Variants in OXCT1 observed in about 807,000 individuals in gnomAD.
OXCT1 encodes 3-oxoacid CoA-transferase 1.
Under a neutral mutation model 69.6 loss-of-function variants are expected in OXCT1, and 27 were observed. That is an observed-to-expected ratio of 0.39 (90% CI 0.29 to 0.54). The LOEUF is 0.54. Ranked by LOEUF, OXCT1 falls within the 20% of genes least tolerant of loss-of-function variation. The pLI is 0.72. For synonymous variants in OXCT1, 202 were observed against 217.8 expected (o/e 0.93, Z 0.64); for missense variants, 437 against 650.2 (o/e 0.67, Z 3.57).
chr5:41,755,713 T>G (rs552963396), intron 14 of OXCT1, among the ~76,000 whole-genome samples: 38 of 152,212 alleles, frequency 2.5e-4, no homozygotes, highest in Non-Finnish European at 2.9e-4. Context: ...CAGCTCTATA[T>G]GAGACCTGTG....
intron 13 of OXCT1, among the ~76,000 whole-genome samples, chr5:41,764,441 T>C (rs1438038392): frequency 6.6e-6 from 1 of 152,158 alleles, no homozygotes; most frequent in Non-Finnish European, 1.5e-5. Flanking sequence ...TGTTGCTGTA[T>C]ACTAGGGTGC....
At chr5:41,783,802 C>A (rs1745523521) in intron 13 of OXCT1, among the ~76,000 whole-genome samples, 2 of 152,128 alleles carry the variant, frequency 1.3e-5, no homozygotes, top group African/African-American at 4.8e-5. Context: ...TGAACATACC[C>A]AAGTTCCAGT....
intron 9 of OXCT1, 58 bp from the exon 10 acceptor site, chr5:41,803,221 ATCT>A (rs1746507660): frequency 2.7e-6 from 3 of 1,093,482 alleles, no homozygotes; most frequent in Non-Finnish European, 4.2e-6. Context: ...TATACCATAA[ATCT>A]TCTACATATA....
At chr5:41,853,584 A>G (rs1331498943) in intron 3 of OXCT1, 30 bp from the exon 4 acceptor site, 1 of 1,611,032 alleles carries the variant, frequency 6.2e-7, no homozygotes, top group Admixed American at 1.7e-5. Context: ...AGCTTACCAA[A>G]GAGCATCTGA....
intron 3 of OXCT1, 95 bp from the exon 4 acceptor site, chr5:41,853,649 A>G (rs752552985): frequency 4.8e-5 from 66 of 1,370,636 alleles, no homozygotes; most frequent in Non-Finnish European, 6.4e-5. Flanking sequence ...TTAAAGAAAA[A>G]TAAATCCTTT....
chr5:41,829,812 A>G (rs770768359), intron 7 of OXCT1, among the ~76,000 whole-genome samples: 26 of 152,144 alleles, frequency 1.7e-4, no homozygotes, highest in Non-Finnish European at 3.1e-4. Context: ...CAGTAATTCT[A>G]TTAGGTTATT....
In OXCT1 at chr5:41,788,892, A is replaced by T. The variant is rs73078203; in HGVS notation, c.1248+5111T>A. On this transcript the variant is annotated intron_variant, in intron 13 of 16. Coordinates refer to ENST00000196371, the MANE Select transcript of OXCT1 (RefSeq NM_000436.4). ...CATTCTGGGCCATAAGCAAGTCTCA[A>T]ATTTAAAAGGACTGAAACTATAAAG... is the stretch of plus-strand genomic sequence containing the variant. Among the ~76,000 whole-genome samples, 966 of 152,310 alleles carry T rather than the reference A, an allele frequency of 6.3e-3. 14 individuals are homozygous for T. Among genetic ancestry groups the T allele is most frequent in the African/African-American group, 0.023 (938 of 41,572 alleles).
chr5:41,839,896 C>T (rs34841703), intron 7 of OXCT1, among the ~76,000 whole-genome samples: 27,689 of 152,138 alleles, frequency 0.18, 2,741 homozygotes, highest in Middle Eastern at 0.29. Flanking sequence ...CAAAATGGCA[C>T]GGTTTTGGTA....
intron 13 of OXCT1, among the ~76,000 whole-genome samples, chr5:41,792,644 T>C (rs1391324182): frequency 1.3e-5 from 2 of 152,254 alleles, no homozygotes; most frequent in African/African-American, 4.8e-5. Flanking sequence ...CCTGATTTTT[T>C]TGAAGCAATC....
At chr5:41,852,400 T>G (rs1749219604) in intron 4 of OXCT1, among the ~76,000 whole-genome samples, 1 of 152,174 alleles carries the variant, frequency 6.6e-6, no homozygotes, top group Admixed American at 6.5e-5. Context: ...TACTAAATTA[T>G]GTTATTACCA....
chr5:41,780,208 C>G (rs568943344), intron 13 of OXCT1, among the ~76,000 whole-genome samples: 1 of 151,920 alleles, frequency 6.6e-6, no homozygotes, highest in African/African-American at 2.4e-5. Context: ...AAAATTGCCA[C>G]AAGAAGTGAG....
chr5:41,786,517 T>C (rs956522688), intron 13 of OXCT1, among the ~76,000 whole-genome samples: 5 of 152,178 alleles, frequency 3.3e-5, no homozygotes, highest in Non-Finnish European at 2.9e-5. Context: ...TGCATTGCTT[T>C]TGAATGATTA....
intron 1 of OXCT1, among the ~76,000 whole-genome samples, chr5:41,867,549 G>A (rs1750050661): frequency 6.6e-6 from 1 of 152,220 alleles, no homozygotes; most frequent in Non-Finnish European, 1.5e-5. Context: ...GCAGCAAGGA[G>A]AAGAGAAGAT....
chr5:41,806,223 G>A (rs1411672203), intron 8 of OXCT1, among the ~76,000 whole-genome samples: 5 of 152,052 alleles, frequency 3.3e-5, no homozygotes, highest in Non-Finnish European at 1.5e-5. Context: ...TCTGGCTCGT[G>A]TTTGCAAAAG....
intron 13 of OXCT1, 57 bp downstream of exon 13, chr5:41,793,946 T>C: frequency 9.6e-7 from 1 of 1,037,032 alleles, no homozygotes; most frequent in Non-Finnish European, 1.5e-6. Flanking sequence ...TTTCTTAGTA[T>C]TTAAAATATA....
At chr5:41,830,591 G>A (rs150058711) in intron 7 of OXCT1, among the ~76,000 whole-genome samples, 1 of 152,320 alleles carries the variant, frequency 6.6e-6, no homozygotes, top group African/African-American at 2.4e-5. Flanking sequence ...TGTCAGAGAT[G>A]TTTGTGTGTG....
chr5:41,794,309 T>G (rs1006714902), intron 12 of OXCT1: 2 of 605,196 alleles, frequency 3.3e-6, no homozygotes, highest in Non-Finnish European at 5.9e-6. Context: ...TATGAACAGG[T>G]GTACACAGGA....
At chr5:41,777,801 A>C (rs1310298586) in intron 13 of OXCT1, among the ~76,000 whole-genome samples, 1 of 152,238 alleles carries the variant, frequency 6.6e-6, no homozygotes, top group Non-Finnish European at 1.5e-5. Context: ...AGTTTCCTAA[A>C]AACTACATGA....
chr5:41,760,826 C>T (rs926174685), intron 14 of OXCT1, among the ~76,000 whole-genome samples: 1 of 152,122 alleles, frequency 6.6e-6, no homozygotes, highest in African/African-American at 2.4e-5. Flanking sequence ...CTGCTCACCT[C>T]CCACTGTTTA....
Sources: allele counts gnomAD v4.1 joint callset (sites outside exome capture counted in the v4.1 genomes callset), GRCh38; gene constraint gnomAD v4.1.1; transcripts MANE v1.5; gene names NCBI Gene and HGNC (gene_info 2026-07-23, HGNC 2026-07-21).